Variants in PHACTR3 observed in about 807,000 individuals in gnomAD.
PHACTR3 encodes the protein protein phosphatase 1, regulatory subunit 123.
Under a neutral mutation model 66.8 loss-of-function variants are expected in PHACTR3, and 16 were observed. The ratio of observed to expected loss-of-function variants is 0.24; its 90% CI spans 0.16 to 0.36. The LOEUF is 0.36. PHACTR3 is among the 10% of genes least tolerant of loss of function. The pLI is 1.00. For missense variants in PHACTR3, 647 were observed against 719.9 expected, an observed-to-expected ratio of 0.90 and a Z score of 1.16; for synonymous variants, 323 against 292.1, an observed-to-expected ratio of 1.11 and a Z score of -1.08.
rs142921641 is a variant in PHACTR3, at chr20:59,755,220, C to A, written c.397C>A (p.Arg133=). The A allele has an allele frequency of 3.0e-4, 477 of 1,613,736 alleles. 2 individuals are homozygous for A. In the African/African-American group the frequency reaches 5.9e-3, roughly 20 times the overall value. ...AACTTGCAACCCCGATGGAGGACCC[C>A]GATCTGTACAGAGTGAACCACCCAC... ...SKTCNPDGGP[R]SVQSEPPTPK... Residue 133 remains arginine (R), a synonymous_variant, in exon 4 of 13, where the codon CGA becomes AGA. Coordinates refer to ENST00000371015, the MANE Select transcript of PHACTR3 (RefSeq NM_080672.5).
At chr20:59,823,360 G>A (rs2042103494) in intron 8 of PHACTR3, among the ~76,000 whole-genome samples, 1 of 152,134 alleles carries the variant, frequency 6.6e-6, no homozygotes, top group African/African-American at 2.4e-5. Context: ...TGGAACCTGC[G>A]GTAGATCCTT....
chr20:59,659,223 A>G (rs1016104885), intron 1 of PHACTR3, among the ~76,000 whole-genome samples: 1 of 152,102 alleles, frequency 6.6e-6, no homozygotes, highest in Non-Finnish European at 1.5e-5. Context: ...TTTTGATCAC[A>G]AATCAAATGT....
chr20:59,650,864 G>A (rs2035438113), intron 1 of PHACTR3, among the ~76,000 whole-genome samples: 1 of 152,094 alleles, frequency 6.6e-6, no homozygotes, highest in African/African-American at 2.4e-5. Context: ...TACCTCTGCA[G>A]TGTGGCAGGG....
chr20:59,771,201 A>T (rs2040347558), intron 5 of PHACTR3, among the ~76,000 whole-genome samples: 1 of 152,104 alleles, frequency 6.6e-6, no homozygotes, highest in African/African-American at 2.4e-5. Context: ...CCCTATTTGT[A>T]CAAGAGGGCT....
At chr20:59,834,182 C>T (rs1262560243) in intron 8 of PHACTR3, among the ~76,000 whole-genome samples, 2 of 152,216 alleles carry the variant, frequency 1.3e-5, no homozygotes, top group Non-Finnish European at 2.9e-5. Context: ...GGTGCGCTCA[C>T]TCTTGCTGGG....
chr20:59,686,607 G>A (rs537970084), intron 1 of PHACTR3, among the ~76,000 whole-genome samples: 1 of 151,786 alleles, frequency 6.6e-6, no homozygotes, highest in East Asian at 1.9e-4. Context: ...TGATGATGGT[G>A]GTGATGATGA....
intron 8 of PHACTR3, among the ~76,000 whole-genome samples, chr20:59,832,803 C>T (rs2042422750): frequency 6.6e-6 from 1 of 152,182 alleles, no homozygotes; most frequent in South Asian, 2.1e-4. Context: ...CCTCTCCTCA[C>T]CTAGCGATCC....
intron 1 of PHACTR3, among the ~76,000 whole-genome samples, chr20:59,629,850 A>T (rs1014108495): frequency 6.6e-6 from 1 of 152,182 alleles, no homozygotes; most frequent in African/African-American, 2.4e-5. Flanking sequence ...CCACTGACTG[A>T]TGGCAAGTCA....
At chr20:59,637,586 T>C (rs2034939593) in intron 1 of PHACTR3, among the ~76,000 whole-genome samples, 1 of 151,970 alleles carries the variant, frequency 6.6e-6, no homozygotes, top group Non-Finnish European at 1.5e-5. Context: ...ATTCACTCCT[T>C]AAATAGGATG....
chr20:59,638,215 C>A lies in PHACTR3; in HGVS notation c.118+33083C>A, dbSNP rs2034962309. On this transcript the variant is annotated intron_variant, in intron 1 of 12. Coordinates refer to ENST00000371015, the MANE Select transcript of PHACTR3 (RefSeq NM_080672.5). ...ACTTAGAAACACTGTCATTTAACTGCTATTTAGGTTCTTAGTAGTTGTAGC... is the reference window on the plus strand; with the variant it reads ...ACTTAGAAACACTGTCATTTAACTGATATTTAGGTTCTTAGTAGTTGTAGC... Among the ~76,000 whole-genome samples the A allele has an allele frequency of 2.0e-5, 3 of 152,298 alleles. No individual in the cohort carries two copies. In the South Asian group the frequency reaches 6.2e-4, roughly 32 times the overall value.
rs369918400 is a variant in PHACTR3, at chr20:59,823,289, C to T, written c.1329-13216C>T. The stretch of plus-strand genomic sequence containing the variant: ...AAGTGGGTCTTTATAGGAGTCCTAA[C>T]GCCCAGAACAGTAATCTGCAGATAT... On this transcript the variant is annotated intron_variant, in intron 8 of 12. Coordinates refer to ENST00000371015, the MANE Select transcript of PHACTR3 (RefSeq NM_080672.5). Among the ~76,000 whole-genome samples, 8 of 152,284 alleles carry T rather than the reference C, an allele frequency of 5.3e-5. No individual in the cohort carries two copies. In the South Asian group the frequency reaches 8.3e-4, roughly 16 times the overall value.
intron 1 of PHACTR3, among the ~76,000 whole-genome samples, chr20:59,719,385 G>A (rs1203673689): frequency 6.6e-6 from 1 of 152,128 alleles, no homozygotes; most frequent in African/African-American, 2.4e-5. Flanking sequence ...GGCTGGTCTT[G>A]AACTCCTGAC....
intron 11 of PHACTR3, chr20:59,843,997 G>GA (rs1315408644): frequency 6.6e-6 from 1 of 151,846 alleles, no homozygotes; most frequent in Non-Finnish European, 1.5e-5. Flanking sequence ...AATCCCATTA[G>GA]AAAGTAGACA....
At chr20:59,692,141 T>C (rs2037130350) in intron 1 of PHACTR3, among the ~76,000 whole-genome samples, 1 of 152,148 alleles carries the variant, frequency 6.6e-6, no homozygotes, top group South Asian at 2.1e-4. Flanking sequence ...TTCAGAGGGG[T>C]TGGCTTCATT....
intron 8 of PHACTR3, among the ~76,000 whole-genome samples, chr20:59,815,367 C>A (rs1023430620): frequency 6.6e-6 from 1 of 150,456 alleles, no homozygotes; most frequent in Non-Finnish European, 1.5e-5. Context: ...CATCTTCAGC[C>A]AAAAGAAATG....
chr20:59,750,516 C>A (rs771686720), intron 3 of PHACTR3, among the ~76,000 whole-genome samples: 4 of 152,074 alleles, frequency 2.6e-5, no homozygotes, highest in Admixed American at 2.6e-4. Flanking sequence ...GTGGAAGGGA[C>A]CTTGAGATGG....
At chr20:59,642,126 C>G (rs1323815466) in intron 1 of PHACTR3, among the ~76,000 whole-genome samples, 1 of 151,976 alleles carries the variant, frequency 6.6e-6, no homozygotes, top group Non-Finnish European at 1.5e-5. Context: ...GAGAAGGCAG[C>G]CTTTCTGCAG....
intron 1 of PHACTR3, among the ~76,000 whole-genome samples, chr20:59,668,307 T>C (rs1354114672): frequency 3.1e-4 from 46 of 149,780 alleles, no homozygotes; most frequent in African/African-American, 1.1e-3. Context: ...GAGGTGGACA[T>C]ATACGCCTGT....
At chr20:59,591,113 C>T (rs1200588312) in intron 1 of PHACTR3, among the ~76,000 whole-genome samples, 2 of 152,240 alleles carry the variant, frequency 1.3e-5, no homozygotes, top group Non-Finnish European at 2.9e-5. Flanking sequence ...CATCTTCATT[C>T]TCGTAGAATA....
Sources: allele counts gnomAD v4.1 joint callset (sites outside exome capture counted in the v4.1 genomes callset), GRCh38; gene constraint gnomAD v4.1.1; transcripts MANE v1.5; gene names NCBI Gene and HGNC (gene_info 2026-07-23, HGNC 2026-07-21).